POLI: variants seen among roughly 807,000 people sequenced by gnomAD.
The protein encoded by POLI is RAD30 homolog B.
In POLI, 58 loss-of-function variants were observed where a neutral mutation model predicts 51.6. The ratio of observed to expected loss-of-function variants is 1.12; its 90% CI spans 0.91 to 1.40. POLI has a LOEUF of 1.40. POLI is among the 40% of genes most tolerant of loss of function. POLI has a pLI of 0.00. For missense variants in POLI, 921 were observed against 871.3 expected (o/e 1.06, Z -0.72); for synonymous variants, 322 against 299.7 (o/e 1.07, Z -0.77).
intron 9 of POLI, 102 bp from the exon 10 acceptor site, chr18:54,293,546 TA>T (rs2088126548): frequency 1.3e-6 from 1 of 747,866 alleles, no homozygotes; most frequent in Admixed American, 3.1e-5. Flanking sequence ...ATTTGTTGAG[TA>T]GGTTAGAAAC....
Position 54,282,952 on chromosome 18 carries a change from G to C in POLI, c.912G>C (p.Gln304His). 6.2e-7 allele frequency: 1 copy of C among 1,610,470 alleles called. No individual in the cohort carries two copies. The highest frequency in any genetic ancestry group is 8.5e-7 in the Non-Finnish European group (1 of 1,178,230). The change falls in exon 6 of 10, where the codon CAG (glutamine) becomes CAC (histidine). Residue 304 changes from glutamine (Q) to histidine (H), a missense_variant. Transcript: ENST00000579534. ...LEKELGISVAQRIQKLSFGED... is the reference protein window; with the variant it reads ...LEKELGISVAHRIQKLSFGED... ...AAGAATTAGGAATTTCAGTTGCTCA[G>C]CGTATCCAAAAGCTCAGTTTTGGAG...
chr18:54,277,853 A>C lies in POLI; in HGVS notation c.557A>C (p.Gln186Pro). 1 of 1,605,178 alleles carries C rather than the reference A, an allele frequency of 6.2e-7. No individual in the cohort carries two copies. The highest frequency in any genetic ancestry group is 1.1e-5 in the South Asian group (1 of 90,002). Residue 186 changes from glutamine to proline, a missense_variant and splice_region_variant, in exon 4 of 10, where the codon CAG becomes CCG. Transcript: ENST00000579534. ...VTVSGHVYNN[Q>P]SINLLDVLHI... ...GTGTCGGGTCATGTATACAATAATC[A>C]GTGTGAGTGGGTTCTTATTCATTCT... is the stretch of plus-strand genomic sequence containing the variant.
In POLI at chr18:54,297,305, C is replaced by A. The variant is rs753893179; in HGVS notation, c.*2838C>A. 242 of 975,356 alleles carry A rather than the reference C, an allele frequency of 2.5e-4. No homozygotes were observed. The highest frequency in any genetic ancestry group is 2.9e-4 in the Non-Finnish European group (238 of 822,426). 60.4% of individuals were successfully genotyped at this position (975,356 alleles called of 1,614,324 possible). A position where few individuals can be genotyped will look rare whatever the true frequency, so the allele number is the denominator to read the frequency against. The stretch of plus-strand genomic sequence containing the variant: ...AGTTTGTTGTTGTTTTTTTTTTTTC[C>A]TGTTTCTGTCTTGAATGTAGAGGGT... On this transcript the variant is annotated 3_prime_UTR_variant, in exon 10 of 10. Transcript: ENST00000579534.
chr18:54,281,767 G>A (rs2087510636), intron 5 of POLI, among the ~76,000 whole-genome samples: 1 of 148,494 alleles, frequency 6.7e-6, no homozygotes, highest in Admixed American at 6.7e-5. Flanking sequence ...TTTTTTAACA[G>A]GCTTTCTCCT....
intron 8 of POLI, among the ~76,000 whole-genome samples, chr18:54,290,161 G>A (rs547442220): frequency 2.2e-4 from 34 of 152,190 alleles, no homozygotes; most frequent in Non-Finnish European, 4.6e-4. Context: ...ATCAAAAAGT[G>A]GGCAAAGGAT....
At chr18:54,312,096 T>C (rs2088676589) in intron 3 of POLI, among the ~76,000 whole-genome samples, 1 of 152,138 alleles carries the variant, frequency 6.6e-6, no homozygotes, top group African/African-American at 2.4e-5. Flanking sequence ...CAACCCTTGA[T>C]CCCCTCTCTC....
chr18:54,271,012 G>C (rs1473099946), intron 1 of POLI: 1 of 162,082 alleles, frequency 6.2e-6, no homozygotes, highest in Non-Finnish European at 1.3e-5. Context: ...GAAAATCAAC[G>C]TCATTTCAAC....
intron 7 of POLI, 82 bp from the exon 8 acceptor site, chr18:54,287,199 C>A (rs1053814355): frequency 1.9e-5 from 19 of 1,009,002 alleles, no homozygotes; most frequent in Non-Finnish European, 2.5e-5. Context: ...AAATCTGGCA[C>A]CTTTAGATAA....
At position 54,271,344 on chromosome 18, in the gene POLI, T is replaced by G. The variant is rs2086993673; in HGVS notation, c.116-16T>G. 6.3e-7 allele frequency: 1 copy of G among 1,593,752 alleles called. No homozygotes were observed. The highest frequency in any genetic ancestry group is 8.5e-7 in the Non-Finnish European group (1 of 1,171,914). On this transcript the variant is annotated splice_polypyrimidine_tract_variant and intron_variant, in intron 1 of 9. Coordinates refer to ENST00000579534, the MANE Select transcript of POLI (RefSeq NM_007195.3). ...AGCAGCCTGAATTTCTTTTTATTTC[T>G]TTGCATATTGTGCAGGAGTTCATGA... is the stretch of plus-strand genomic sequence containing the variant.
At chr18:54,308,207 C>T (rs1364623279) in intron 3 of POLI, among the ~76,000 whole-genome samples, 1 of 152,194 alleles carries the variant, frequency 6.6e-6, no homozygotes, top group African/African-American at 2.4e-5. Flanking sequence ...CATGTTTTTG[C>T]AGTGGCTGGT....
rs367942007 is a variant in POLI at position 54,280,695 on chromosome 18, C to A, written c.588C>A (p.Ile196=). Residue 196 remains isoleucine, a synonymous_variant, in exon 5 of 10, where the codon ATC becomes ATA. Coordinates refer to ENST00000579534, the MANE Select transcript of POLI (RefSeq NM_007195.3). ...TAAACCTGCTTGACGTCTTGCACATCAGACTACTTGTTGGATCTCAGATTG... is the reference window on the plus strand; with the variant it reads ...TAAACCTGCTTGACGTCTTGCACATAAGACTACTTGTTGGATCTCAGATTG... ...QSINLLDVLH[I]RLLVGSQIAA... The A allele has an allele frequency of 6.2e-7, 1 of 1,613,048 alleles. No individual in the cohort carries two copies. Among genetic ancestry groups the A allele is most frequent in the African/African-American group, 1.3e-5 (1 of 74,904 alleles).
At chr18:54,278,581 A>G (rs1013820479) in intron 4 of POLI, among the ~76,000 whole-genome samples, 5 of 152,216 alleles carry the variant, frequency 3.3e-5, no homozygotes, top group African/African-American at 9.7e-5. Context: ...GCCATGTGCT[A>G]GAATCTTCTC....
chr18:54,306,946 CTATT>C (rs2088595907), intron 3 of POLI, among the ~76,000 whole-genome samples: 1 of 151,992 alleles, frequency 6.6e-6, no homozygotes, highest in Non-Finnish European at 1.5e-5. Flanking sequence ...TTTATTGCAT[CTATT>C]TGATTCTTCT....
chr18:54,317,838 C>G (rs1280752703), intron 3 of POLI, among the ~76,000 whole-genome samples: 1 of 152,154 alleles, frequency 6.6e-6, no homozygotes, highest in Non-Finnish European at 1.5e-5. Flanking sequence ...GCACTCAAGC[C>G]TGGGCGACAG....
downstream of POLI, among the ~76,000 whole-genome samples, chr18:54,302,612 G>C (rs2088511792): frequency 6.6e-6 from 1 of 152,006 alleles, no homozygotes; most frequent in African/African-American, 2.4e-5. Context: ...TATCTTTTGT[G>C]TTTACAAACA....
rs1487581172 is a variant in POLI, at chr18:54,297,278, C to T, written c.*2811C>T. ...CTGCTTTCTTGCTTTTGTTTCAGCTCGAGTTTGTTGTTGTTTTTTTTTTTT... is the reference window on the plus strand; with the variant it reads ...CTGCTTTCTTGCTTTTGTTTCAGCTTGAGTTTGTTGTTGTTTTTTTTTTTT... On this transcript the variant is annotated 3_prime_UTR_variant, in exon 10 of 10. Coordinates refer to ENST00000579534, the MANE Select transcript of POLI (RefSeq NM_007195.3). The T allele has an allele frequency of 7.1e-6, 7 of 982,996 alleles. No homozygotes were observed. Among genetic ancestry groups the T allele is most frequent in the African/African-American group, 1.8e-5 (1 of 56,634 alleles). The allele number at this position is 982,996 out of a possible 1,614,324, so 60.9% of individuals were successfully genotyped here.
At chr18:54,303,417 T>G (rs963090736) in intron 3 of POLI, among the ~76,000 whole-genome samples, 4 of 152,192 alleles carry the variant, frequency 2.6e-5, no homozygotes, top group Admixed American at 2.6e-4. Context: ...TTCAACAAAG[T>G]CATTTTTATT....
In POLI at chr18:54,293,809, C is replaced by A; in HGVS notation, c.1565C>A (p.Ser522Ter). 6.2e-7 allele frequency: 1 copy of A among 1,608,470 alleles called. No individual in the cohort carries two copies. Among genetic ancestry groups the A allele is most frequent in the South Asian group, 1.1e-5 (1 of 90,312 alleles). ...GACATTAATGAATTCCCACTCTGTT[C>A]ACTTCCTGAAGGTGTTGACCAAGAA... ...EKDINEFPLC[S>*]LPEGVDQEVF... The change falls in exon 10 of 10, where the codon TCA (serine) becomes TAA (stop). Residue 522 changes from serine to a stop codon, truncating the protein, a stop_gained. Transcript: ENST00000579534. LOFTEE classifies it low-confidence loss of function (END_TRUNC).
At chr18:54,304,061 T>G (rs2088538660) in intron 3 of POLI, among the ~76,000 whole-genome samples, 1 of 152,178 alleles carries the variant, frequency 6.6e-6, no homozygotes, top group Non-Finnish European at 1.5e-5. Flanking sequence ...GGTTTCCAGC[T>G]TCATCCACGT....
Sources: allele counts gnomAD v4.1 joint callset (sites outside exome capture counted in the v4.1 genomes callset), GRCh38; gene constraint gnomAD v4.1.1; transcripts MANE v1.5; gene names NCBI Gene and HGNC (gene_info 2026-07-23, HGNC 2026-07-21).